The following LTBP2 variants were observed in gnomAD, a reference collection of about 807,000 sequenced individuals.
LTBP2 encodes the protein latent transforming growth factor beta binding protein 2, also known as latent-transforming growth factor beta-binding protein 2.
In LTBP2, 103 loss-of-function variants were observed where a neutral mutation model predicts 210.6. That is an observed-to-expected ratio of 0.49 (90% confidence interval 0.42 to 0.58). LTBP2 has a LOEUF of 0.58. Among genes scored for constraint, LTBP2 ranks in the 20% least tolerant of loss-of-function variants. LTBP2 has a pLI of 0.00. For synonymous variants in LTBP2, 1,007 were observed against 1,015.0 expected, an observed-to-expected ratio of 0.99 and a Z score of 0.15; for missense variants, 2,313 against 2,494.5, an observed-to-expected ratio of 0.93 and a Z score of 1.55.
rs547216229 is a variant in LTBP2, at chr14:74,519,969, A to T, written c.2788+1942T>A. 2.6e-5 allele frequency among the ~76,000 whole-genome samples: 4 copies of T among 152,084 alleles called. No individual in the cohort carries two copies. The East Asian group carries it at 7.7e-4, about 29-fold the overall frequency. On this transcript the variant is annotated intron_variant, in intron 17 of 35. Coordinates refer to ENST00000261978, the MANE Select transcript of LTBP2 (RefSeq NM_000428.3). ...TGTTCTGAGCCCTGCCCCTTAAGTC[A>T]GCTCCCCGGAAGTCAGCTGACCCAG...
intron 8 of LTBP2, among the ~76,000 whole-genome samples, chr14:74,545,416 C>T (rs2087564621): frequency 6.6e-6 from 1 of 152,224 alleles, no homozygotes; most frequent in Non-Finnish European, 1.5e-5. Flanking sequence ...GAGAAAGGTG[C>T]AGAGTTCCTT....
At position 74,505,033 on chromosome 14, in the gene LTBP2, T is replaced by C. The variant is rs1216439764; in HGVS notation, c.4319A>G (p.Gln1440Arg). 1.2e-6 allele frequency: 2 copies of C among 1,614,060 alleles called. No individual in the cohort carries two copies. The highest frequency in any genetic ancestry group is 1.1e-5 in the South Asian group (1 of 91,086). ...NTTQAECCCT[Q>R]GASWGDACDL... ...ACAGGCATCTCCCCAGCTAGCGCCCTGGGTGCAGCAGCATTCAGCCTGTGT... is the reference window on the plus strand; with the variant it reads ...ACAGGCATCTCCCCAGCTAGCGCCCCGGGTGCAGCAGCATTCAGCCTGTGT... Residue 1440 changes from glutamine (Q) to arginine (R), a missense_variant, in exon 29 of 36, where the codon CAG (glutamine) becomes CGG (arginine). Gln to Arg is a conservative substitution (Grantham distance 43). Around this residue, in one of 3 missense-constraint regions of LTBP2, gnomAD observed 1,867 missense variants for 1,976.9 expected, o/e 0.94. Coordinates refer to ENST00000261978, the MANE Select transcript of LTBP2 (RefSeq NM_000428.3).
At chr14:74,544,061 A>G (rs1473415301) in intron 8 of LTBP2, among the ~76,000 whole-genome samples, 1 of 152,204 alleles carries the variant, frequency 6.6e-6, no homozygotes, top group Non-Finnish European at 1.5e-5. Context: ...CTTAAGCCTG[A>G]GGCACAATTC....
At chr14:74,569,190 G>GGGAGGGAA (rs1566643358) in intron 3 of LTBP2, among the ~76,000 whole-genome samples, 1 of 148,866 alleles carries the variant, frequency 6.7e-6, no homozygotes, top group Non-Finnish European at 1.5e-5. Flanking sequence ...GAGGGAGGGA[G>GGGAGGGAA]GGAGGGAGGG....
chr14:74,583,837 G>C (rs972376494), intron 3 of LTBP2, among the ~76,000 whole-genome samples: 1 of 152,228 alleles, frequency 6.6e-6, no homozygotes, highest in Admixed American at 6.5e-5. Flanking sequence ...GGTAGCTCCT[G>C]GTCCAGTGAG....
chr14:74,570,234 G>C (rs1012940894), intron 3 of LTBP2, among the ~76,000 whole-genome samples: 1 of 152,098 alleles, frequency 6.6e-6, no homozygotes, highest in Non-Finnish European at 1.5e-5. Flanking sequence ...CTCACCTCCT[G>C]AACCCTTGAG....
At position 74,501,521 on chromosome 14, in the gene LTBP2, C is replaced by T. The variant is rs951375544; in HGVS notation, c.5240G>A (p.Arg1747His). The change falls in exon 35 of 36, where the codon CGC becomes CAC. Residue 1747 changes from arginine to histidine, a missense_variant. Physicochemically the swap from Arg to His is conservative, Grantham distance 29. This residue lies in a region of LTBP2 where 443 missense variants were observed against 501.4 expected (regional missense o/e 0.88). Coordinates refer to ENST00000261978, the MANE Select transcript of LTBP2 (RefSeq NM_000428.3). Reference protein sequence around the residue: ...CGILNGCENGRCVRVREGYTC... With the variant: ...CGILNGCENGHCVRVREGYTC... ...GTAGCCCTCCCGCACGCGCACACAGCGGCCATTCTCACAGCCGTTCAGGAT... is the reference window on the plus strand; with the variant it reads ...GTAGCCCTCCCGCACGCGCACACAGTGGCCATTCTCACAGCCGTTCAGGAT... 5.0e-6 allele frequency: 8 copies of T among 1,614,170 alleles called. No individual in the cohort carries two copies. The highest frequency in any genetic ancestry group is 4.2e-6 in the Non-Finnish European group (5 of 1,180,032).
intron 3 of LTBP2, among the ~76,000 whole-genome samples, chr14:74,560,260 A>G (rs1016492938): frequency 2.0e-5 from 3 of 152,190 alleles, no homozygotes; most frequent in African/African-American, 7.2e-5. Context: ...GAATAAGCCT[A>G]ACTTCATGGA....
chr14:74,558,447 G>A (rs899876750), intron 3 of LTBP2, among the ~76,000 whole-genome samples: 1 of 152,236 alleles, frequency 6.6e-6, no homozygotes, highest in East Asian at 1.9e-4. Context: ...TTCCAAGAAA[G>A]CGCCTGGGAG....
chr14:74,573,830 T>C (rs1388644690), intron 3 of LTBP2, among the ~76,000 whole-genome samples: 1 of 152,192 alleles, frequency 6.6e-6, no homozygotes, highest in African/African-American at 2.4e-5. Context: ...TTTATCCACA[T>C]TCCTTTGTGT....
rs1394883681 is a variant in LTBP2 at position 74,521,983 on chromosome 14, C to A, written c.2716G>T (p.Val906Leu). Residue 906 changes from valine to leucine, a missense_variant, in exon 17 of 36, where the codon GTG becomes TTG. This residue lies in a region of LTBP2 where 1,867 missense variants were observed against 1,976.9 expected (regional missense o/e 0.94). Coordinates refer to ENST00000261978, the MANE Select transcript of LTBP2 (RefSeq NM_000428.3). ...CKGKGRCINR[V>L]GSYSCFCYPG... The stretch of plus-strand genomic sequence containing the variant: ...TAGCAGAAGCAGGAGTAGGACCCCA[C>A]GCGGTTGATGCAGCGCCCTTTTCCC... The A allele has an allele frequency of 1.2e-6, 2 of 1,614,140 alleles. No individual in the cohort carries two copies. Among genetic ancestry groups the A allele is most frequent in the Non-Finnish European group, 8.5e-7 (1 of 1,180,000 alleles).
chr14:74,504,133 G>A, intron 30 of LTBP2, 79 bp from the exon 31 acceptor site: 1 of 1,566,372 alleles, frequency 6.4e-7, no homozygotes, highest in Non-Finnish European at 8.7e-7. Context: ...CCAAAGCCAG[G>A]CTGGGTTTGA....
chr14:74,572,320 T>TGA (rs1389421541), intron 3 of LTBP2, among the ~76,000 whole-genome samples: 2 of 65,458 alleles, frequency 3.1e-5, no homozygotes, highest in Admixed American at 1.8e-4. Flanking sequence ...TGTGTGTGTG[T>TGA]GTGAGAGAGA....
Position 74,552,359 on chromosome 14 carries a change from G to A in LTBP2, c.1227C>T (p.Arg409=). The A allele has an allele frequency of 4.3e-6, 7 of 1,610,982 alleles. No homozygotes were observed. The highest frequency in any genetic ancestry group is 5.9e-6 in the Non-Finnish European group (7 of 1,180,028). ...ACCAGCATTCGTCCCTGCCGATGCA[G>A]CGGCCTCCGTTCAGGCAGGGGATCT... ...FCQIPCLNGG[R]CIGRDECWCP... Residue 409 remains arginine, a synonymous_variant, in exon 6 of 36, where the codon CGC becomes CGT. Coordinates refer to ENST00000261978, the MANE Select transcript of LTBP2 (RefSeq NM_000428.3).
intron 8 of LTBP2, among the ~76,000 whole-genome samples, chr14:74,539,482 G>A (rs1383505207): frequency 6.6e-6 from 1 of 152,180 alleles, no homozygotes; most frequent in Admixed American, 6.5e-5. Flanking sequence ...CGAGGCAGGA[G>A]TGTCCCTTGA....
At chr14:74,558,673 G>A (rs1435198958) in intron 3 of LTBP2, among the ~76,000 whole-genome samples, 1 of 152,194 alleles carries the variant, frequency 6.6e-6, no homozygotes, top group Non-Finnish European at 1.5e-5. Flanking sequence ...TTTCTTGGTG[G>A]TTTGTTGTCA....
Position 74,593,691 on chromosome 14 carries a change from T to C in LTBP2, c.566-7573A>G, listed in dbSNP as rs566829675. Among the ~76,000 whole-genome samples the C allele has an allele frequency of 2.0e-5, 3 of 152,318 alleles. No homozygotes were observed. The South Asian group carries it at 6.2e-4, about 32-fold the overall frequency. ...ATATTTCAAGTGCTCGATACCCACA[T>C]GTGGCTCAGGGCTACCACACTGGAC... On this transcript the variant is annotated intron_variant, in intron 2 of 35. Transcript: ENST00000261978.
At position 74,586,546 on chromosome 14, in the gene LTBP2, G is replaced by C. The variant is rs986147633; in HGVS notation, c.566-428C>G. Among the ~76,000 whole-genome samples, 3 of 152,194 alleles carry C rather than the reference G, an allele frequency of 2.0e-5. No homozygotes were observed. The highest frequency in any genetic ancestry group is 1.3e-4 in the Admixed American group (2 of 15,286). On this transcript the variant is annotated intron_variant, in intron 2 of 35. Transcript: ENST00000261978. The surrounding 1 kb of genome is among the most constrained non-coding windows in gnomAD (Gnocchi z 4.6). ...GTAAACATGGAGCGAATGGATGAAT[G>C]AATCAGTCTCTTTTGCGGGAAAGGG...
rs990346475 is a variant in LTBP2 at position 74,511,456 on chromosome 14, T to C, written c.2909-92A>G. On this transcript the variant is annotated intron_variant, in intron 18 of 35. Coordinates refer to ENST00000261978, the MANE Select transcript of LTBP2 (RefSeq NM_000428.3). ...AGCAAATCCTTGTCCCTGCCTTTGG[T>C]TGGGGAGAGGGATGGACAGAGGGAA... 36 of 1,526,070 alleles carry C rather than the reference T, an allele frequency of 2.4e-5. No homozygotes were observed. In the African/African-American group the frequency reaches 3.1e-4, roughly 13 times the overall value. 94.5% of individuals were successfully genotyped at this position (1,526,070 alleles called of 1,614,324 possible). A position where few individuals can be genotyped will look rare whatever the true frequency, so the allele number is the denominator to read the frequency against.
Sources: gnomAD v4.1 joint callset for allele counts (sites outside exome capture counted in the v4.1 genomes callset) on GRCh38, gnomAD v4.1.1 for gene constraint, gnomAD v4.1.1 regional missense constraint, Gnocchi (gnomAD v3.1) non-coding constraint, MANE v1.5 for transcripts, NCBI Gene and HGNC (gene_info 2026-07-23, HGNC 2026-07-21) for gene names.